The following DYM variants were observed in gnomAD, a reference collection of about 807,000 sequenced individuals.
DYM encodes dyggve-Melchior-Clausen syndrome protein.
A neutral mutation model predicts 93.1 loss-of-function variants in DYM; 78 were observed. The observed-to-expected ratio is 0.84, with a 90% CI of 0.70 to 1.01. DYM has a LOEUF of 1.01. Among genes scored for constraint, DYM ranks in the 50% least tolerant of loss-of-function variants. The pLI, the probability that DYM is intolerant of heterozygous loss-of-function variation, is 0.00. For missense variants in DYM, 789 were observed against 845.0 expected, an observed-to-expected ratio of 0.93 and a Z score of 0.82; for synonymous variants, 321 against 319.7, an observed-to-expected ratio of 1.00 and a Z score of -0.04.
intron 13 of DYM, among the ~76,000 whole-genome samples, chr18:49,211,766 A>C (rs2092796502): frequency 6.6e-6 from 1 of 152,202 alleles, no homozygotes; most frequent in Non-Finnish European, 1.5e-5. Flanking sequence ...TTATTAGACA[A>C]AACAAAATTC....
At chr18:49,323,861 T>C (rs2062687124) in intron 8 of DYM, among the ~76,000 whole-genome samples, 1 of 152,146 alleles carries the variant, frequency 6.6e-6, no homozygotes, top group Non-Finnish European at 1.5e-5. Context: ...TAAAACATCT[T>C]TAACGGATGG....
chr18:49,411,809 A>G (rs1030050709), intron 2 of DYM: 2 of 152,192 alleles, frequency 1.3e-5, no homozygotes, highest in African/African-American at 4.8e-5. Flanking sequence ...AATTCTGATA[A>G]ATATATAATG....
At position 49,282,143 on chromosome 18, in the gene DYM, C is replaced by T. The variant is rs148763620; in HGVS notation, c.979G>A (p.Ala327Thr). Reference protein sequence around the residue: ...SSPFPSSIPHAFQINFNSLYT... With the variant: ...SSPFPSSIPHTFQINFNSLYT... ...AAACTATTAAAGTTGATCTGGAAGG[C>T]ATGTGGAATTGATGAGGGGAAAGGA... Residue 327 changes from alanine to threonine, a missense_variant, in exon 10 of 18, where the codon GCC (alanine) becomes ACC (threonine). Transcript: ENST00000675505. 1.2e-6 allele frequency: 2 copies of T among 1,613,724 alleles called. No individual in the cohort carries two copies. The highest frequency in any genetic ancestry group is 2.7e-5 in the African/African-American group (2 of 74,858).
chr18:49,392,681 T>TAAAAAAAAAAAA lies in DYM; in HGVS notation c.141-1048_141-1037dup, dbSNP rs869086187. Among the ~76,000 whole-genome samples the TAAAAAAAAAAAA allele has an allele frequency of 1.0e-4, 7 of 68,470 alleles. 1 individual carries two copies. Among genetic ancestry groups the TAAAAAAAAAAAA allele is most frequent in the African/African-American group, 4.0e-4 (6 of 15,016 alleles). The allele number at this position is 68,470 out of a possible 152,430, so 44.9% of individuals were successfully genotyped here. On this transcript the variant is annotated intron_variant, in intron 2 of 17. Transcript: ENST00000675505. ...CACACCCATTGGGATGGCTTTTATT[T>TAAAAAAAAAAAA]AAAAAAAAAAAAAAAAAAAAAAAAA...
At chr18:49,072,804 C>T (rs954942891) in intron 17 of DYM, among the ~76,000 whole-genome samples, 1 of 152,168 alleles carries the variant, frequency 6.6e-6, no homozygotes, top group Non-Finnish European at 1.5e-5. Flanking sequence ...CCATTTAGAG[C>T]CCTTGCTGAA....
intron 6 of DYM, 117 bp downstream of exon 6, chr18:49,363,044 C>T (rs1555710347): frequency 5.1e-6 from 4 of 786,504 alleles, no homozygotes; most frequent in Non-Finnish European, 2.2e-6. Flanking sequence ...GATATAGAAT[C>T]CTTAAAAGGC....
chr18:49,337,521 A>G (rs2063761865), intron 6 of DYM, among the ~76,000 whole-genome samples: 1 of 152,188 alleles, frequency 6.6e-6, no homozygotes, highest in Admixed American at 6.5e-5. Context: ...AGAACTATGT[A>G]TGGATAGAGC....
chr18:49,236,352 C>T (rs970232368), intron 13 of DYM, among the ~76,000 whole-genome samples: 8 of 151,876 alleles, frequency 5.3e-5, no homozygotes, highest in Non-Finnish European at 1.0e-4. Flanking sequence ...TGGTGGCAGG[C>T]GCCTGTAGTC....
intron 10 of DYM, among the ~76,000 whole-genome samples, 170 bp downstream of exon 10, chr18:49,281,827 T>C (rs1166041888): frequency 6.6e-6 from 1 of 152,096 alleles, no homozygotes; most frequent in Non-Finnish European, 1.5e-5. Flanking sequence ...GGGGAAGGGA[T>C]AGCATTTGGC....
chr18:49,190,954 T>C (rs1568570174), intron 14 of DYM, among the ~76,000 whole-genome samples: 1 of 152,198 alleles, frequency 6.6e-6, no homozygotes, highest in Non-Finnish European at 1.5e-5. Context: ...TATATGTTAA[T>C]CAACTGTATA....
chr18:49,375,191 A>G (rs1425267880), intron 5 of DYM, among the ~76,000 whole-genome samples: 1 of 101,962 alleles, frequency 9.8e-6, no homozygotes, highest in East Asian at 4.1e-4. Context: ...GAAAGGGGAA[A>G]AGACACACAC....
chr18:49,092,119 T>C (rs914697059), intron 17 of DYM, among the ~76,000 whole-genome samples: 6 of 152,230 alleles, frequency 3.9e-5, no homozygotes, highest in Non-Finnish European at 7.3e-5. Flanking sequence ...ATGTAAAATG[T>C]ATTTTTTGCT....
chr18:49,334,024 T>G (rs758520694), intron 6 of DYM, among the ~76,000 whole-genome samples, 171 bp from the exon 7 acceptor site: 5 of 152,226 alleles, frequency 3.3e-5, no homozygotes, highest in Non-Finnish European at 7.3e-5. Flanking sequence ...AATATTAAAC[T>G]CCTTCCCTGT....
At chr18:49,107,833 A>C (rs2081004960) in intron 16 of DYM, among the ~76,000 whole-genome samples, 1 of 152,168 alleles carries the variant, frequency 6.6e-6, no homozygotes, top group African/African-American at 2.4e-5. Flanking sequence ...GGTGCCTCCC[A>C]GTTAGGCTAC....
intron 14 of DYM, among the ~76,000 whole-genome samples, chr18:49,176,832 TG>T (rs963047129): frequency 6.6e-6 from 1 of 152,160 alleles, no homozygotes; most frequent in Non-Finnish European, 1.5e-5. Flanking sequence ...TCATGGACAA[TG>T]GATTTTAAAA....
chr18:49,060,215 G>A (rs1408429607), intron 17 of DYM, among the ~76,000 whole-genome samples: 1 of 152,126 alleles, frequency 6.6e-6, no homozygotes, highest in Non-Finnish European at 1.5e-5. Context: ...CAGGACCTCT[G>A]AGCTTCATTT....
intron 14 of DYM, among the ~76,000 whole-genome samples, chr18:49,178,764 G>A (rs971890103): frequency 1.2e-4 from 18 of 151,994 alleles, no homozygotes; most frequent in African/African-American, 4.1e-4. Flanking sequence ...TATAACTACC[G>A]ATAATTACAG....
Position 49,272,316 on chromosome 18 carries a change from AATTATAATTGACTATTTCAATACTTC to A in DYM, c.1126-39_1126-14del. On this transcript the variant is annotated splice_polypyrimidine_tract_variant and intron_variant, in intron 10 of 17. Transcript: ENST00000675505. ...GAATTGGTAAAACCTAGAGAATAAA[AATTATAATTGACTATTTCAATACTTC>A]ATTATAAATCCAAATGTTTTAAATC... 3 of 1,464,904 alleles carry A rather than the reference AATTATAATTGACTATTTCAATACTTC, an allele frequency of 2.0e-6. No homozygotes were observed. The highest frequency in any genetic ancestry group is 2.9e-6 in the Non-Finnish European group (3 of 1,046,458). The allele number at this position is 1,464,904 out of a possible 1,614,324, so 90.7% of individuals were successfully genotyped here.
chr18:49,407,466 G>A (rs1172520816), intron 2 of DYM, among the ~76,000 whole-genome samples: 1 of 152,196 alleles, frequency 6.6e-6, no homozygotes, highest in Admixed American at 6.5e-5. Context: ...TCAGCTTCTG[G>A]TAAGGCCTCA....
Sources: allele counts gnomAD v4.1 joint callset (sites outside exome capture counted in the v4.1 genomes callset), GRCh38; gene constraint gnomAD v4.1.1; transcripts MANE v1.5; gene names NCBI Gene and HGNC (gene_info 2026-07-23, HGNC 2026-07-21).